Variants in DMD observed in about 807,000 individuals in gnomAD.
The protein encoded by DMD is mutant dystrophin.
DMD carries 63 observed loss-of-function variants against 330.1 expected under a neutral mutation model. That is an observed-to-expected ratio of 0.19 (90% CI 0.16 to 0.24). The LOEUF is 0.24. DMD is among the 10% of genes least tolerant of loss of function. The pLI is 1.00. For missense variants in DMD, 3,344 were observed against 2,684.1 expected, an observed-to-expected ratio of 1.25 and a Z score of -5.43; for synonymous variants, 1,223 against 959.8, an observed-to-expected ratio of 1.27 and a Z score of -5.07.
chrX:31,325,582 C>G (rs1301418344), intron 61 of DMD, among the ~76,000 whole-genome samples: 2 of 111,119 alleles, frequency 1.8e-5, no homozygotes, highest in African/African-American at 6.6e-5. Flanking sequence ...CCACTGCACT[C>G]CAGCCTGGGC....
At chrX:32,868,119 C>T (rs1319323654) in intron 2 of DMD, among the ~76,000 whole-genome samples, 2 of 111,417 alleles carry the variant, frequency 1.8e-5, no homozygotes, top group African/African-American at 6.5e-5. Context: ...GGGAGCCAAA[C>T]GCGACAAGGG....
intron 51 of DMD, among the ~76,000 whole-genome samples, chrX:31,773,540 G>A (rs1435814072): frequency 9.0e-6 from 1 of 111,234 alleles, no homozygotes; most frequent in Admixed American, 9.6e-5. Flanking sequence ...TTAGAAGAGT[G>A]GATAATAATC....
intron 50 of DMD, among the ~76,000 whole-genome samples, chrX:31,779,804 C>A (rs2090918512): frequency 9.0e-6 from 1 of 110,778 alleles, no homozygotes; most frequent in African/African-American, 3.3e-5. Flanking sequence ...ATACCTTTCT[C>A]ATGCATTCAT....
At chrX:31,189,826 C>T (rs753658810) in intron 67 of DMD, among the ~76,000 whole-genome samples, 1 of 112,386 alleles carries the variant, frequency 8.9e-6, no homozygotes, top group Admixed American at 9.4e-5. Context: ...CAAAAACATA[C>T]ACTTGTAAAG....
intron 9 of DMD, among the ~76,000 whole-genome samples, chrX:32,664,366 C>A (rs753500869): frequency 1.8e-5 from 2 of 108,563 alleles, no homozygotes; most frequent in African/African-American, 6.8e-5. Context: ...CTCAGCCTCC[C>A]GAGTAGCTGG....
chrX:31,341,753 G>T (rs948799264), intron 61 of DMD, among the ~76,000 whole-genome samples: 1 of 111,188 alleles, frequency 9.0e-6, no homozygotes, highest in African/African-American at 3.3e-5. Flanking sequence ...TCATTTGATC[G>T]TTCTGCACCT....
intron 59 of DMD, among the ~76,000 whole-genome samples, chrX:31,453,748 T>C (rs1468478659): frequency 2.5e-4 from 6 of 23,600 alleles, no homozygotes; most frequent in Non-Finnish European, 7.7e-5. Flanking sequence ...ATCTCCCCTT[T>C]ATAGACAAAA....
At chrX:32,752,218 C>T (rs2070917956) in intron 7 of DMD, among the ~76,000 whole-genome samples, 1 of 111,614 alleles carries the variant, frequency 9.0e-6, no homozygotes, top group Admixed American at 9.5e-5. Context: ...AAGCCACAAT[C>T]AATGCCAGCT....
chrX:33,261,798 G>T (rs1321054110), intron 1 of DMD, among the ~76,000 whole-genome samples: 3 of 110,238 alleles, frequency 2.7e-5, no homozygotes, highest in Non-Finnish European at 5.7e-5. Context: ...CTATTCCAGG[G>T]GCCAGATGGG....
chrX:33,155,541 C>T (rs1202749251), intron 1 of DMD, among the ~76,000 whole-genome samples: 2 of 110,864 alleles, frequency 1.8e-5, no homozygotes, highest in Non-Finnish European at 3.8e-5. Context: ...GTCTTGAACC[C>T]CTGACCTCAG....
intron 60 of DMD, among the ~76,000 whole-genome samples, chrX:31,366,466 C>T (rs2059235599): frequency 4.3e-5 from 1 of 23,097 alleles, no homozygotes; most frequent in African/African-American, 2.3e-4. Flanking sequence ...CTCTCTCTCT[C>T]TCTCAAAAAA....
intron 2 of DMD, among the ~76,000 whole-genome samples, chrX:33,010,062 A>ATATACACATGTGTATATACACGTG (rs1318950415): frequency 1.2e-4 from 4 of 34,468 alleles, no homozygotes; most frequent in Admixed American, 2.8e-4. Flanking sequence ...ATATACGTGT[A>ATATACACATGTGTATATACACGTG]TATATACACA....
At chrX:32,716,885 T>A (rs974733847) in intron 7 of DMD, among the ~76,000 whole-genome samples, 2 of 111,758 alleles carry the variant, frequency 1.8e-5, no homozygotes, top group Non-Finnish European at 3.8e-5. Flanking sequence ...AACTTTTAAC[T>A]TGAGACTGAT....
rs185762275 is a variant in DMD, at chrX:32,218,805, G to T, written c.6291-1742C>A. Among the ~76,000 whole-genome samples the T allele has an allele frequency of 2.6e-4, 29 of 111,778 alleles. No individual in the cohort carries two copies. The South Asian group carries it at 7.0e-3, about 27-fold the overall frequency. Reference sequence around the variant, plus strand: ...TGAAAATGGTATTAAATAGTAGAGAGAGGCTTCTAACCCAAATATCTCTTG... The same window carrying T: ...TGAAAATGGTATTAAATAGTAGAGATAGGCTTCTAACCCAAATATCTCTTG... On this transcript the variant is annotated intron_variant, in intron 43 of 78. Coordinates refer to ENST00000357033, the MANE Select transcript of DMD (RefSeq NM_004006.3).
intron 44 of DMD, among the ~76,000 whole-genome samples, chrX:32,197,000 A>AC (rs1557206017): frequency 1.1e-5 from 1 of 93,901 alleles, no homozygotes; most frequent in African/African-American, 4.0e-5. Context: ...AAAAAAAAAA[A>AC]AAAAACAAAA....
chrX:32,654,287 T>C (rs2060394651), intron 9 of DMD, among the ~76,000 whole-genome samples: 2 of 111,874 alleles, frequency 1.8e-5, no homozygotes, highest in South Asian at 7.4e-4. Context: ...GGCTGTGGGT[T>C]TGTCATACAT....
intron 52 of DMD, among the ~76,000 whole-genome samples, chrX:31,682,496 T>C (rs377242016): frequency 6.2e-5 from 7 of 112,135 alleles, no homozygotes; most frequent in East Asian, 5.6e-4. Context: ...AATGCTCTTA[T>C]AAGAAAGCTG....
chrX:32,634,689 T>C (rs757790103), intron 11 of DMD, among the ~76,000 whole-genome samples: 1 of 111,841 alleles, frequency 8.9e-6, no homozygotes, highest in East Asian at 2.8e-4. Flanking sequence ...CCTATCCTAT[T>C]GTATGTCTGA....
At chrX:31,788,277 G>A (rs1329725692) in intron 50 of DMD, among the ~76,000 whole-genome samples, 2 of 112,090 alleles carry the variant, frequency 1.8e-5, no homozygotes, top group Non-Finnish European at 3.8e-5. Context: ...CTGTGAAGCT[G>A]TATTATTACA....
Sources: gnomAD v4.1 joint callset for allele counts (sites outside exome capture counted in the v4.1 genomes callset) on GRCh38, gnomAD v4.1.1 for gene constraint, MANE v1.5 for transcripts, NCBI Gene and HGNC (gene_info 2026-07-23, HGNC 2026-07-21) for gene names.